ADGRG4: variants seen among roughly 807,000 people sequenced by gnomAD.
ADGRG4 encodes G protein-coupled receptor 112.
ADGRG4 carries 122 observed loss-of-function variants against 126.2 expected under a neutral mutation model. That is an observed-to-expected ratio of 0.97 (90% CI 0.83 to 1.12). The LOEUF (loss-of-function observed/expected upper bound fraction) is 1.12, where lower values mean the gene tolerates loss of function less well. ADGRG4 is among the 50% of genes most tolerant of loss of function. The pLI, the probability that ADGRG4 is intolerant of heterozygous loss-of-function variation, is 0.00. For synonymous variants in ADGRG4, 943 were observed against 838.7 expected, an observed-to-expected ratio of 1.12 and a Z score of -2.15; for missense variants, 2,481 against 2,251.8, an observed-to-expected ratio of 1.10 and a Z score of -2.06.
rs147686046 is a variant in ADGRG4, at chrX:136,365,024, G to A, written c.7396+1429G>A. On this transcript the variant is annotated intron_variant, in intron 13 of 25. Coordinates refer to ENST00000394143, the MANE Select transcript of ADGRG4 (RefSeq NM_153834.4). ...GCAAATTATGAAAAGCACCTTTTTCGCAACTCCTTCATCAACACAGCATGT... is the reference window on the plus strand; with the variant it reads ...GCAAATTATGAAAAGCACCTTTTTCACAACTCCTTCATCAACACAGCATGT... Among the ~76,000 whole-genome samples, 270 of 111,414 alleles carry A rather than the reference G, an allele frequency of 2.4e-3. 1 individual carries two copies. The highest frequency in any genetic ancestry group is 7.9e-3 in the African/African-American group (244 of 30,745).
At chrX:136,375,214 T>A (rs2075218573) in intron 15 of ADGRG4, among the ~76,000 whole-genome samples, 1 of 112,202 alleles carries the variant, frequency 8.9e-6, no homozygotes, top group Non-Finnish European at 1.9e-5. Flanking sequence ...AGACATGATT[T>A]CATTCCTTTT....
chrX:136,324,666 G>A (rs2074861350), intron 5 of ADGRG4, among the ~76,000 whole-genome samples: 1 of 111,849 alleles, frequency 8.9e-6, no homozygotes, highest in South Asian at 3.8e-4. Flanking sequence ...TTATTTTGAT[G>A]TTCAAATTGG....
chrX:136,308,733 T>C, intron 3 of ADGRG4, 36 bp from the exon 4 acceptor site: 1 of 747,234 alleles, frequency 1.3e-6, no homozygotes, highest in Non-Finnish European at 2.1e-6. Context: ...TTTCTGAATA[T>C]CTGAGCTGGG....
Position 136,399,844 on chromosome X carries a change from T to G in ADGRG4, c.8307-4T>G. 1 of 1,201,837 alleles carries G rather than the reference T, an allele frequency of 8.3e-7. No homozygotes were observed. The highest frequency in any genetic ancestry group is 1.1e-6 in the Non-Finnish European group (1 of 889,057). On this transcript the variant is annotated splice_polypyrimidine_tract_variant and splice_region_variant and intron_variant, in intron 20 of 25. Coordinates refer to ENST00000394143, the MANE Select transcript of ADGRG4 (RefSeq NM_153834.4). ...ACCTAACAACATTGTACTTTCTCTT[T>G]TAGCAAACTTCGAAAAGATTATCCT...
intron 23 of ADGRG4, among the ~76,000 whole-genome samples, chrX:136,409,928 C>T (rs762297977): frequency 1.8e-5 from 2 of 112,839 alleles, no homozygotes; most frequent in African/African-American, 3.2e-5. Flanking sequence ...TATAGTCAGA[C>T]TGCCTGCATT....
At chrX:136,385,195 T>C (rs999019146) in intron 15 of ADGRG4, among the ~76,000 whole-genome samples, 1 of 111,479 alleles carries the variant, frequency 9.0e-6, no homozygotes, top group Admixed American at 9.5e-5. Flanking sequence ...TTCATGTTAC[T>C]ATTGGACCCA....
At chrX:136,387,990 A>G in intron 16 of ADGRG4, 116 bp downstream of exon 16, 1 of 694,989 alleles carries the variant, frequency 1.4e-6, no homozygotes, top group East Asian at 3.4e-5. Flanking sequence ...GATTGATTCC[A>G]CAAGTCTTCC....
Position 136,345,491 on chromosome X carries a change from T to C in ADGRG4, c.1785T>C (p.Ala595=), listed in dbSNP as rs763854211. The change falls in exon 6 of 26, where the codon GCT becomes GCC. Residue 595 remains alanine, a synonymous_variant. Transcript: ENST00000394143. Reference sequence around the variant, plus strand: ...AAATCACACTTGCATCTACAGTGGCTGAAACTATGCTTTCCTCCACAATCA... The same window carrying C: ...AAATCACACTTGCATCTACAGTGGCCGAAACTATGCTTTCCTCCACAATCA... ...TPEITLASTV[A]ETMLSSTITG... The C allele has an allele frequency of 8.3e-7, 1 of 1,211,164 alleles. No individual in the cohort carries two copies. Among genetic ancestry groups the C allele is most frequent in the South Asian group, 1.8e-5 (1 of 56,964 alleles).
intron 9 of ADGRG4, among the ~76,000 whole-genome samples, chrX:136,357,229 T>C (rs1417072963): frequency 1.8e-5 from 2 of 111,694 alleles, no homozygotes; most frequent in East Asian, 2.8e-4. Flanking sequence ...CTATGAGACC[T>C]TGGGCAACTT....
rs1253695435 is a variant in ADGRG4 at position 136,349,448 on chromosome X, T to C, written c.5742T>C (p.Leu1914=). 8.3e-7 allele frequency: 1 copy of C among 1,208,277 alleles called. No individual in the cohort carries two copies. Among genetic ancestry groups the C allele is most frequent in the Non-Finnish European group, 1.1e-6 (1 of 892,380 alleles). The change falls in exon 6 of 26, where the codon CTT becomes CTC. Residue 1914 remains leucine (L), a synonymous_variant. Coordinates refer to ENST00000394143, the MANE Select transcript of ADGRG4 (RefSeq NM_153834.4). ...SNEMETETLH[L]VPGPLSTFTA... is the part of the protein sequence containing the mutation. ...AGATGGAAACAGAGACTCTACACCT[T>C]GTTCCTGGGCCTTTGTCAACATTCA...
At chrX:136,377,842 G>GTT (rs80099479) in intron 15 of ADGRG4, among the ~76,000 whole-genome samples, 81 of 96,326 alleles carry the variant, frequency 8.4e-4, no homozygotes, top group African/African-American at 1.6e-3. Context: ...TTCCTATACT[G>GTT]TTTTTTTTTT....
intron 8 of ADGRG4, among the ~76,000 whole-genome samples, chrX:136,354,620 A>G (rs1310231515): frequency 9.0e-6 from 1 of 110,806 alleles, no homozygotes; most frequent in Non-Finnish European, 1.9e-5. Flanking sequence ...TTCAGATCTC[A>G]CAGGTCCCCA....
At chrX:136,400,330 T>C (rs1279120895) in intron 21 of ADGRG4, among the ~76,000 whole-genome samples, 1 of 111,770 alleles carries the variant, frequency 8.9e-6, no homozygotes, top group Non-Finnish European at 1.9e-5. Flanking sequence ...TATTGAGCAC[T>C]TATTGTGTAT....
At chrX:136,410,055 A>G (rs1248334429) in intron 23 of ADGRG4, among the ~76,000 whole-genome samples, 1 of 112,513 alleles carries the variant, frequency 8.9e-6, no homozygotes, top group Admixed American at 9.4e-5. Flanking sequence ...AATGCCTGCC[A>G]TATACTAATT....
At chrX:136,395,709 A>G (rs913445008) in intron 19 of ADGRG4, among the ~76,000 whole-genome samples, 4 of 111,980 alleles carry the variant, frequency 3.6e-5, no homozygotes, top group African/African-American at 1.3e-4. Context: ...ACAGTACAGA[A>G]AAGGTCCCTT....
Position 136,349,971 on chromosome X carries a change from C to T in ADGRG4, c.6265C>T (p.Pro2089Ser). 8.3e-7 allele frequency: 1 copy of T among 1,210,096 alleles called. No homozygotes were observed. Among genetic ancestry groups the T allele is most frequent in the African/African-American group, 1.7e-5 (1 of 57,714 alleles). Residue 2089 changes from proline to serine, a missense_variant, in exon 6 of 26, where the codon CCT becomes TCT. Coordinates refer to ENST00000394143, the MANE Select transcript of ADGRG4 (RefSeq NM_153834.4). ...CACTACTGGCTTCCCAACTTCTCTC[C>T]CTATGTCTATAAATGTCACAGATGA... ...GITTGFPTSL[P>S]MSINVTDDIV...
chrX:136,403,451 C>T, intron 22 of ADGRG4, 129 bp downstream of exon 22: 1 of 473,998 alleles, frequency 2.1e-6, no homozygotes, highest in Admixed American at 3.6e-5. Context: ...TCCTTTTGCC[C>T]TAAACATAGG....
At chrX:136,352,579 T>A (rs1443822144) in intron 7 of ADGRG4, among the ~76,000 whole-genome samples, 1 of 111,748 alleles carries the variant, frequency 8.9e-6, no homozygotes, top group Admixed American at 9.5e-5. Context: ...CACTTAAGTA[T>A]TTTTATAGGA....
chrX:136,358,001 A>G (rs1394385297), intron 10 of ADGRG4, among the ~76,000 whole-genome samples: 1 of 111,947 alleles, frequency 8.9e-6, no homozygotes, highest in Non-Finnish European at 1.9e-5. Context: ...AGGGGTGGTC[A>G]TAATCTGGGA....
Sources: allele counts gnomAD v4.1 joint callset (sites outside exome capture counted in the v4.1 genomes callset), GRCh38; gene constraint gnomAD v4.1.1; transcripts MANE v1.5; gene names NCBI Gene and HGNC (gene_info 2026-07-23, HGNC 2026-07-21).